Variants in MYO1G observed in about 807,000 individuals in gnomAD.
The protein encoded by MYO1G is myosin IG, also known as unconventional myosin-Ig.
Under a neutral mutation model 115.3 loss-of-function variants are expected in MYO1G, and 65 were observed. The ratio of observed to expected loss-of-function variants is 0.56; its 90% CI spans 0.46 to 0.69. MYO1G has a LOEUF of 0.69. MYO1G is among the 30% of genes least tolerant of loss of function. The pLI is 0.00. For missense variants in MYO1G, 1,204 were observed against 1,393.5 expected (o/e 0.86, Z 2.16); for synonymous variants, 510 against 552.6 (o/e 0.92, Z 1.08).
chr7:44,969,036 C>A lies in MYO1G; in HGVS notation c.1574+377G>T. 1 of 238,428 alleles carries A rather than the reference C, an allele frequency of 4.2e-6. No individual in the cohort carries two copies. Among genetic ancestry groups the A allele is most frequent in the African/African-American group, 2.2e-5 (1 of 45,014 alleles). 14.8% of individuals were successfully genotyped at this position (238,428 alleles called of 1,614,324 possible). On this transcript the variant is annotated intron_variant, in intron 12 of 21. Coordinates refer to ENST00000258787, the MANE Select transcript of MYO1G (RefSeq NM_033054.3). This position sits in a 1 kb window ranked among gnomAD's most constrained non-coding sequence, Gnocchi z 5.0. ...TGGTCCAAGTATGGTAGCGAGGCCT[C>A]ACCTGGGAGCTTGTTAGAAATGCAG...
At position 44,964,886 on chromosome 7, in the gene MYO1G, G is replaced by C. The variant is rs559495382; in HGVS notation, c.2526+59C>G. ...AGGGGACCTGGTCACAGCATTAGCCGAGAGCCCTCTTTGGCAGCCCACTTC... is the reference window on the plus strand; with the variant it reads ...AGGGGACCTGGTCACAGCATTAGCCCAGAGCCCTCTTTGGCAGCCCACTTC... On this transcript the variant is annotated intron_variant, in intron 18 of 21. Coordinates refer to ENST00000258787, the MANE Select transcript of MYO1G (RefSeq NM_033054.3). This position sits in a 1 kb window ranked among gnomAD's most constrained non-coding sequence, Gnocchi z 5.1. 6.4e-7 allele frequency: 1 copy of C among 1,558,432 alleles called. No homozygotes were observed. Among genetic ancestry groups the C allele is most frequent in the Non-Finnish European group, 8.7e-7 (1 of 1,147,042 alleles).
At chr7:44,976,054 C>G (rs993746541) in intron 3 of MYO1G, among the ~76,000 whole-genome samples, 3 of 152,192 alleles carry the variant, frequency 2.0e-5, no homozygotes, top group African/African-American at 7.2e-5. Context: ...CATTGCTTGT[C>G]CCCCCTGAAT....
Position 44,966,024 on chromosome 7 carries a change from A to G in MYO1G, c.2157+49T>C, listed in dbSNP as rs1794835081. 6.3e-7 allele frequency: 1 copy of G among 1,594,726 alleles called. No individual in the cohort carries two copies. The highest frequency in any genetic ancestry group is 8.5e-7 in the Non-Finnish European group (1 of 1,172,290). ...GTGTGTTTGTGGCCCCTGGGACACA[A>G]GCTTTCCCCACCTCCATAGTGGATG... On this transcript the variant is annotated intron_variant, in intron 16 of 21. Coordinates refer to ENST00000258787, the MANE Select transcript of MYO1G (RefSeq NM_033054.3). The surrounding 1 kb of genome is among the most constrained non-coding windows in gnomAD (Gnocchi z 5.0).
At position 44,963,055 on chromosome 7, in the gene MYO1G, G is replaced by A; in HGVS notation, c.2815C>T (p.Leu939Phe). 1 of 1,525,506 alleles carries A rather than the reference G, an allele frequency of 6.6e-7. No individual in the cohort carries two copies. The highest frequency in any genetic ancestry group is 8.8e-7 in the Non-Finnish European group (1 of 1,141,614). The allele number at this position is 1,525,506 out of a possible 1,614,324, so 94.5% of individuals were successfully genotyped here. The part of the protein sequence containing the change: ...VVLHARGQDD[L>F]VVCLHRSRPP... ...CGGGAGCGGTGCAGGCACACCACGA[G>A]GTCGTCCTGGCCGCGGGCGTGCAGC... Residue 939 changes from leucine to phenylalanine, a missense_variant, in exon 21 of 22, where the codon CTC (leucine) becomes TTC (phenylalanine). Transcript: ENST00000258787. This position sits in a 1 kb window ranked among gnomAD's most constrained non-coding sequence, Gnocchi z 4.1.
Position 44,962,672 on chromosome 7 carries a change from G to A in MYO1G, c.*67C>T. 7.0e-7 allele frequency: 1 copy of A among 1,423,802 alleles called. No individual in the cohort carries two copies. Among genetic ancestry groups the A allele is most frequent in the Non-Finnish European group, 9.1e-7 (1 of 1,097,170 alleles). 88.2% of individuals were successfully genotyped at this position (1,423,802 alleles called of 1,614,324 possible). ...AGCGGCGAGCAGGAGGGCTGACTCA[G>A]AAGGTTTATTTGCAGCGCTGGCGGG... On this transcript the variant is annotated 3_prime_UTR_variant, in exon 22 of 22. Transcript: ENST00000258787. The surrounding 1 kb of genome is among the most constrained non-coding windows in gnomAD (Gnocchi z 5.3).
chr7:44,971,568 A>G, intron 7 of MYO1G, 105 bp downstream of exon 7: 1 of 790,440 alleles, frequency 1.3e-6, no homozygotes, highest in Non-Finnish European at 2.1e-6. Flanking sequence ...AGCCTAGCAC[A>G]TTGCTGGGGC....
Position 44,969,589 on chromosome 7 carries a change from C to T in MYO1G, c.1504-106G>A, listed in dbSNP as rs376206040. On this transcript the variant is annotated intron_variant, in intron 11 of 21. Transcript: ENST00000258787. This position sits in a 1 kb window ranked among gnomAD's most constrained non-coding sequence, Gnocchi z 5.0. The stretch of plus-strand genomic sequence containing the variant: ...AGGGCAGAGAAGGTTGCCACAGTGA[C>T]GACAATGGCACCAAAGCTGGGTCCC... The T allele has an allele frequency of 7.7e-5, 121 of 1,569,816 alleles. No individual in the cohort carries two copies. In the African/African-American group the frequency reaches 9.3e-4, roughly 12 times the overall value.
rs780660257 is a variant in MYO1G at position 44,971,748 on chromosome 7, C to T, written c.771G>A (p.Glu257=). 1.5e-5 allele frequency: 23 copies of T among 1,555,560 alleles called. No individual in the cohort carries two copies. The highest frequency in any genetic ancestry group is 2.0e-5 in the Non-Finnish European group (23 of 1,149,048). ...GACTGAAGCCGATGACCCTCATGGC[C>T]TCGGTCACTGCCTGGTGGCTCTGCT... is the stretch of plus-strand genomic sequence containing the variant. ...SDEQSHQAVT[E]AMRVIGFSPE... is the part of the protein sequence containing the mutation. Residue 257 remains glutamate, a synonymous_variant, in exon 7 of 22, where the codon GAG becomes GAA. Transcript: ENST00000258787.
At chr7:44,973,736 G>C (rs959287553) in intron 5 of MYO1G, 4 of 151,464 alleles carry the variant, frequency 2.6e-5, no homozygotes, top group Admixed American at 2.6e-4. Context: ...AGAGTCATTA[G>C]AGACAATGCC....
chr7:44,976,058 C>G (rs1047957774), intron 3 of MYO1G, among the ~76,000 whole-genome samples: 2 of 152,226 alleles, frequency 1.3e-5, no homozygotes, highest in African/African-American at 4.8e-5. Context: ...GCTTGTCCCC[C>G]CTGAATCCCA....
intron 1 of MYO1G, 39 bp downstream of exon 1, chr7:44,978,828 C>T: frequency 6.3e-7 from 1 of 1,583,908 alleles, no homozygotes; most frequent in Non-Finnish European, 8.7e-7. Flanking sequence ...GTGGGAGACC[C>T]TGGAGGAGGG....
At position 44,963,319 on chromosome 7, in the gene MYO1G, A is replaced by T. The variant is rs966926909; in HGVS notation, c.2746-195T>A. 3.4e-6 allele frequency: 2 copies of T among 582,280 alleles called. No individual in the cohort carries two copies. The highest frequency in any genetic ancestry group is 4.0e-5 in the African/African-American group (2 of 50,012). The allele number at this position is 582,280 out of a possible 1,614,324, so 36.1% of individuals were successfully genotyped here. ...GCTGACAGGGGGAAGCTTGGGCGGG[A>T]CGCTGCACAATACGATTTTCTCCAG... On this transcript the variant is annotated intron_variant, in intron 20 of 21. Transcript: ENST00000258787. This position sits in a 1 kb window ranked among gnomAD's most constrained non-coding sequence, Gnocchi z 4.1.
chr7:44,966,593 T>TG lies in MYO1G; in HGVS notation c.1949+78dup. The TG allele has an allele frequency of 1.9e-6, 3 of 1,564,946 alleles. No individual in the cohort carries two copies. Among genetic ancestry groups the TG allele is most frequent in the Non-Finnish European group, 2.6e-6 (3 of 1,138,614 alleles). ...GTATCGATGTTTGCGACGTGCTGTT[T>TG]GGGGACCCTCTGCTCCTACCCCTTG... On this transcript the variant is annotated intron_variant, in intron 15 of 21. Coordinates refer to ENST00000258787, the MANE Select transcript of MYO1G (RefSeq NM_033054.3). The surrounding 1 kb of genome is among the most constrained non-coding windows in gnomAD (Gnocchi z 5.0).
chr7:44,967,465 G>T, intron 14 of MYO1G, 140 bp downstream of exon 14: 1 of 1,138,288 alleles, frequency 8.8e-7, no homozygotes, highest in Non-Finnish European at 1.3e-6. Flanking sequence ...CACTGCTGGA[G>T]CAGATGTGGC....
Position 44,966,557 on chromosome 7 carries a change from G to T in MYO1G, c.1949+115C>A. 1.5e-6 allele frequency: 2 copies of T among 1,331,774 alleles called. No individual in the cohort carries two copies. The highest frequency in any genetic ancestry group is 2.1e-6 in the Non-Finnish European group (2 of 938,252). The allele number at this position is 1,331,774 out of a possible 1,614,324, so 82.5% of individuals were successfully genotyped here. On this transcript the variant is annotated intron_variant, in intron 15 of 21. Coordinates refer to ENST00000258787, the MANE Select transcript of MYO1G (RefSeq NM_033054.3). The surrounding 1 kb of genome is among the most constrained non-coding windows in gnomAD (Gnocchi z 5.0). ...GGTGTCTTGAGGCCAGCAGCGTGCTGGTTCCTGCTTGTATCGATGTTTGCG... is the reference window on the plus strand; with the variant it reads ...GGTGTCTTGAGGCCAGCAGCGTGCTTGTTCCTGCTTGTATCGATGTTTGCG...
intron 5 of MYO1G, chr7:44,974,327 T>C (rs1451089416): frequency 3.4e-5 from 5 of 147,764 alleles, no homozygotes; most frequent in Non-Finnish European, 7.5e-5. Context: ...GAGCACAGAG[T>C]CTGTGAGACA....
intron 12 of MYO1G, 59 bp from the exon 13 acceptor site, chr7:44,968,017 A>G: frequency 6.9e-7 from 1 of 1,442,460 alleles, no homozygotes; most frequent in South Asian, 1.2e-5. Flanking sequence ...CCAGAGTGCT[A>G]ATGACCCCAG....
intron 5 of MYO1G, chr7:44,972,963 C>T (rs995686598): frequency 6.6e-6 from 1 of 151,906 alleles, no homozygotes; most frequent in African/African-American, 2.4e-5. Context: ...AGACCCTGCC[C>T]TGTGTCCCAA....
In MYO1G at chr7:44,969,968, C is replaced by G; in HGVS notation, c.1332+72G>C. 1 of 1,593,048 alleles carries G rather than the reference C, an allele frequency of 6.3e-7. No homozygotes were observed. Among genetic ancestry groups the G allele is most frequent in the Non-Finnish European group, 8.6e-7 (1 of 1,166,766 alleles). On this transcript the variant is annotated intron_variant, in intron 10 of 21. Transcript: ENST00000258787. This position sits in a 1 kb window ranked among gnomAD's most constrained non-coding sequence, Gnocchi z 5.0. ...CACTCAGCCACCTGTCAGGCCAGCC[C>G]GGGCCCCTCCCCATGGGCTGAGGCC... is the stretch of plus-strand genomic sequence containing the variant.
Sources: allele counts gnomAD v4.1 joint callset (sites outside exome capture counted in the v4.1 genomes callset), GRCh38; gene constraint gnomAD v4.1.1; non-coding constraint Gnocchi (gnomAD v3.1); transcripts MANE v1.5; gene names NCBI Gene and HGNC (gene_info 2026-07-23, HGNC 2026-07-21).